Variants in DPYD observed in about 807,000 individuals in gnomAD.
The protein encoded by DPYD is dihydropyrimidine dehydrogenase.
DPYD carries 109 observed loss-of-function variants against 116.2 expected under a neutral mutation model. The ratio of observed to expected loss-of-function variants is 0.94; its 90% CI spans 0.80 to 1.10. The LOEUF is 1.10. DPYD is among the 50% of genes least tolerant of loss of function. DPYD has a pLI of 0.00. For synonymous variants in DPYD, 440 were observed against 432.0 expected, an observed-to-expected ratio of 1.02 and a Z score of -0.23; for missense variants, 1,302 against 1,254.5, an observed-to-expected ratio of 1.04 and a Z score of -0.57.
chr1:97,514,787 CAGAGT>C (rs1208588071), intron 13 of DPYD, among the ~76,000 whole-genome samples: 1 of 151,500 alleles, frequency 6.6e-6, no homozygotes, highest in Non-Finnish European at 1.5e-5. Flanking sequence ...GTAAAGCTGT[CAGAGT>C]AAGACAGCCT....
chr1:97,778,170 A>AAG (rs1553238264), intron 3 of DPYD, among the ~76,000 whole-genome samples: 1 of 88,630 alleles, frequency 1.1e-5, no homozygotes, highest in Non-Finnish European at 2.1e-5. Flanking sequence ...AAAAAAAAAA[A>AAG]AAAGAAAGAA....
intron 1 of DPYD, among the ~76,000 whole-genome samples, chr1:97,914,574 G>A (rs1674127934): frequency 6.6e-6 from 1 of 152,174 alleles, no homozygotes; most frequent in East Asian, 1.9e-4. Flanking sequence ...GTATGTTGCA[G>A]TAAAAAAAGG....
chr1:97,179,275 CTA>C lies in DPYD; in HGVS notation c.2622+13792_2622+13793del, dbSNP rs540988797. Among the ~76,000 whole-genome samples the C allele has an allele frequency of 1.1e-3, 162 of 152,148 alleles. 1 individual carries two copies. Among genetic ancestry groups the C allele is most frequent in the Admixed American group, 2.0e-3 (30 of 15,268 alleles). On this transcript the variant is annotated intron_variant, in intron 20 of 22. Transcript: ENST00000370192. ...TAGGAGGACTGGATTACCACAAATG[CTA>C]TGTGTTTGCTTTTGTTTGTTTCACT...
intron 10 of DPYD, among the ~76,000 whole-genome samples, chr1:97,576,261 C>G (rs997996956): frequency 6.6e-6 from 1 of 152,130 alleles, no homozygotes; most frequent in African/African-American, 2.4e-5. Flanking sequence ...TAATGCCACA[C>G]TTGACTGAAT....
intron 8 of DPYD, among the ~76,000 whole-genome samples, chr1:97,596,335 T>C (rs546178024): frequency 2.6e-5 from 4 of 152,172 alleles, no homozygotes; most frequent in Non-Finnish European, 4.4e-5. Flanking sequence ...GATATTCCAA[T>C]TTTTATTATT....
intron 4 of DPYD, among the ~76,000 whole-genome samples, chr1:97,734,547 T>C (rs1274494509): frequency 2.6e-5 from 4 of 152,120 alleles, no homozygotes. Flanking sequence ...AATCTCTGGG[T>C]TTTTTATCAG....
chr1:97,732,915 G>T (rs957427354), intron 4 of DPYD, among the ~76,000 whole-genome samples: 33 of 151,946 alleles, frequency 2.2e-4, no homozygotes, highest in African/African-American at 8.0e-4. Context: ...AGTTTTACAC[G>T]CAGAAAAAAG....
chr1:97,205,561 A>C (rs1659531078), intron 19 of DPYD, among the ~76,000 whole-genome samples: 1 of 152,156 alleles, frequency 6.6e-6, no homozygotes, highest in Admixed American at 6.6e-5. Flanking sequence ...ATATATTTTA[A>C]AATATAAAAC....
At chr1:97,665,734 G>T (rs944667727) in intron 8 of DPYD, among the ~76,000 whole-genome samples, 2 of 151,972 alleles carry the variant, frequency 1.3e-5, no homozygotes, top group Non-Finnish European at 2.9e-5. Flanking sequence ...AACAAATTTT[G>T]CTACATAACA....
chr1:97,688,899 T>C (rs1274102239), intron 7 of DPYD, among the ~76,000 whole-genome samples: 2 of 151,874 alleles, frequency 1.3e-5, no homozygotes, highest in African/African-American at 4.8e-5. Context: ...TAATTCAACA[T>C]ATAAACTCAA....
At chr1:97,893,863 T>G (rs1286219663) in intron 1 of DPYD, among the ~76,000 whole-genome samples, 1 of 151,570 alleles carries the variant, frequency 6.6e-6, no homozygotes, top group African/African-American at 2.4e-5. Context: ...GCCTAAATGA[T>G]CTCTATGTGA....
chr1:97,647,753 C>A (rs1404756668), intron 8 of DPYD, among the ~76,000 whole-genome samples: 2 of 151,872 alleles, frequency 1.3e-5, no homozygotes, highest in African/African-American at 4.8e-5. Context: ...AAAATTACTT[C>A]ATATTTGAAG....
At chr1:97,353,877 T>A (rs1440473317) in intron 16 of DPYD, among the ~76,000 whole-genome samples, 1 of 152,188 alleles carries the variant, frequency 6.6e-6, no homozygotes, top group South Asian at 2.1e-4. Flanking sequence ...AGCCAGGGAT[T>A]ACTTCTTTAA....
At chr1:97,354,230 T>C (rs1366091528) in intron 16 of DPYD, among the ~76,000 whole-genome samples, 1 of 152,168 alleles carries the variant, frequency 6.6e-6, no homozygotes, top group African/African-American at 2.4e-5. Flanking sequence ...TAGAGACAGC[T>C]GAAAAGTGCA....
At chr1:97,623,203 G>A (rs947668062) in intron 8 of DPYD, among the ~76,000 whole-genome samples, 10 of 152,042 alleles carry the variant, frequency 6.6e-5, no homozygotes, top group African/African-American at 1.2e-4. Flanking sequence ...AAGCAGAGAG[G>A]TAAGAATTAG....
chr1:97,568,061 T>A (rs1652653790), intron 11 of DPYD, among the ~76,000 whole-genome samples: 1 of 152,082 alleles, frequency 6.6e-6, no homozygotes, highest in African/African-American at 2.4e-5. Context: ...TTAGAATTGA[T>A]AATAGTTTAA....
At chr1:97,917,713 A>G (rs1281347790) in intron 1 of DPYD, among the ~76,000 whole-genome samples, 3 of 152,318 alleles carry the variant, frequency 2.0e-5, no homozygotes, top group East Asian at 3.9e-4. Flanking sequence ...AGTAACAGAT[A>G]GCAACTTGGT....
intron 20 of DPYD, among the ~76,000 whole-genome samples, chr1:97,153,973 C>CAAAA (rs60741755): frequency 0.14 from 17,063 of 125,710 alleles, 1,254 homozygotes; most frequent in East Asian, 0.27. Flanking sequence ...TGGCCATGAT[C>CAAAA]AAAAAAAAAA....
At chr1:97,521,824 A>T (rs1323496871) in intron 12 of DPYD, among the ~76,000 whole-genome samples, 2 of 152,350 alleles carry the variant, frequency 1.3e-5, no homozygotes, top group African/African-American at 4.8e-5. Flanking sequence ...TTCCCTATTT[A>T]ATAAATGGTG....
Sources: allele counts gnomAD v4.1 joint callset (sites outside exome capture counted in the v4.1 genomes callset), GRCh38; gene constraint gnomAD v4.1.1; transcripts MANE v1.5; gene names NCBI Gene and HGNC (gene_info 2026-07-23, HGNC 2026-07-21).